AGPS: variants seen among roughly 807,000 people sequenced by gnomAD.
The protein encoded by AGPS is alkylglycerone phosphate synthase.
Under a neutral mutation model 90.7 loss-of-function variants are expected in AGPS, and 26 were observed. The ratio of observed to expected loss-of-function variants is 0.29; its 90% CI spans 0.21 to 0.40. The LOEUF is 0.40. Among genes scored for constraint, AGPS ranks in the 10% least tolerant of loss-of-function variants. The probability of loss-of-function intolerance (pLI) is 1.00; values close to 1 mark genes in which losing one functional copy is unlikely to be tolerated. For synonymous variants in AGPS, 294 were observed against 285.3 expected, an observed-to-expected ratio of 1.03 and a Z score of -0.31; for missense variants, 540 against 816.1, an observed-to-expected ratio of 0.66 and a Z score of 4.12.
intron 1 of AGPS, among the ~76,000 whole-genome samples, chr2:177,419,422 C>T (rs1268386019): frequency 1.3e-5 from 2 of 151,704 alleles, no homozygotes; most frequent in Non-Finnish European, 1.5e-5. Flanking sequence ...TTTCAGTAGC[C>T]AAGATCAAAC....
chr2:177,472,041 C>T (rs932549196), intron 10 of AGPS, among the ~76,000 whole-genome samples: 1 of 151,512 alleles, frequency 6.6e-6, no homozygotes, highest in Non-Finnish European at 1.5e-5. Context: ...ACCCAGTGGA[C>T]CCTTTCTATT....
At chr2:177,425,785 G>A (rs1404836567) in intron 2 of AGPS, among the ~76,000 whole-genome samples, 1 of 152,174 alleles carries the variant, frequency 6.6e-6, no homozygotes, top group African/African-American at 2.4e-5. Flanking sequence ...TGATGTTTTG[G>A]TTACTGTAGG....
chr2:177,402,893 C>T (rs1192598955), intron 1 of AGPS, among the ~76,000 whole-genome samples: 2 of 151,982 alleles, frequency 1.3e-5, no homozygotes, highest in Non-Finnish European at 2.9e-5. Flanking sequence ...CCTGTATCTA[C>T]TAAAAATACA....
At chr2:177,495,982 G>A (rs1405979220) in intron 12 of AGPS, among the ~76,000 whole-genome samples, 1 of 147,560 alleles carries the variant, frequency 6.8e-6, no homozygotes, top group African/African-American at 2.5e-5. Context: ...TAATTATATT[G>A]TTAGGCAACA....
chr2:177,530,031 T>C (rs1459117369), intron 19 of AGPS, among the ~76,000 whole-genome samples: 1 of 152,228 alleles, frequency 6.6e-6, no homozygotes, highest in African/African-American at 2.4e-5. Flanking sequence ...TGTTTGTTTG[T>C]TTTTAATAAT....
rs1189670007 is a variant in AGPS at position 177,541,261 on chromosome 2, A to G, written c.*3066A>G. 1 of 152,168 alleles carries G rather than the reference A, an allele frequency of 6.6e-6. No individual in the cohort carries two copies. The highest frequency in any genetic ancestry group is 1.5e-5 in the Non-Finnish European group (1 of 68,022). The allele number at this position is 152,168 out of a possible 1,614,324, so 9.4% of individuals were successfully genotyped here. A position where few individuals can be genotyped will look rare whatever the true frequency, so the allele number is the denominator to read the frequency against. On this transcript the variant is annotated 3_prime_UTR_variant, in exon 20 of 20. Transcript: ENST00000264167. ...TCCCCCACTAGAATAGTCTATTAGT[A>G]ACTGCTAAGTCCTAGCTTGCATTTT...
intron 11 of AGPS, among the ~76,000 whole-genome samples, chr2:177,489,119 C>G (rs1445812799): frequency 1.4e-5 from 2 of 144,282 alleles, no homozygotes; most frequent in Admixed American, 1.4e-4. Flanking sequence ...GAGTCTCGCT[C>G]TATTGCCCAG....
chr2:177,498,200 T>A (rs1213341699), intron 13 of AGPS, among the ~76,000 whole-genome samples: 19 of 151,958 alleles, frequency 1.3e-4, no homozygotes, highest in Non-Finnish European at 4.4e-5. Context: ...CATTTTTAAT[T>A]TACCAGGGGG....
chr2:177,503,972 C>T (rs1276535597), intron 14 of AGPS, among the ~76,000 whole-genome samples: 3 of 152,130 alleles, frequency 2.0e-5, no homozygotes, highest in Non-Finnish European at 4.4e-5. Flanking sequence ...TGACTTAGGA[C>T]TGAAAAGTAA....
chr2:177,402,202 C>G (rs1220252150), intron 1 of AGPS, among the ~76,000 whole-genome samples: 1 of 152,160 alleles, frequency 6.6e-6, no homozygotes, highest in East Asian at 1.9e-4. Flanking sequence ...GAAAACATGA[C>G]ATTTGAGCAG....
chr2:177,499,489 C>T (rs1688494792), intron 13 of AGPS, 129 bp from the exon 14 acceptor site: 1 of 625,922 alleles, frequency 1.6e-6, no homozygotes, highest in Admixed American at 2.9e-5. Context: ...ATGTAAAGTT[C>T]CAAAGCTCAA....
chr2:177,448,856 A>AC (rs1559050932), intron 8 of AGPS, among the ~76,000 whole-genome samples: 1 of 151,708 alleles, frequency 6.6e-6, no homozygotes, highest in Non-Finnish European at 1.5e-5. Context: ...CCCTTAAGCA[A>AC]CCCCCCAGGA....
At chr2:177,398,352 C>G (rs1306707962) in intron 1 of AGPS, among the ~76,000 whole-genome samples, 1 of 152,138 alleles carries the variant, frequency 6.6e-6, no homozygotes, top group Non-Finnish European at 1.5e-5. Flanking sequence ...ATGACAGGAA[C>G]CATGCTAAAG....
Position 177,523,811 on chromosome 2 carries a change from C to A in AGPS, c.1855+6C>A, listed in dbSNP as rs772552134. On this transcript the variant is annotated splice_donor_region_variant and intron_variant, in intron 19 of 19. Coordinates refer to ENST00000264167, the MANE Select transcript of AGPS (RefSeq NM_003659.4). ...CCTGTCACATCACCATGGAGGTATTCTTTTTTGGGAGTAGAATTTCTAATA... is the reference window on the plus strand; with the variant it reads ...CCTGTCACATCACCATGGAGGTATTATTTTTTGGGAGTAGAATTTCTAATA... 8.1e-6 allele frequency: 13 copies of A among 1,610,174 alleles called. No individual in the cohort carries two copies. Among genetic ancestry groups the A allele is most frequent in the African/African-American group, 2.7e-5 (2 of 74,800 alleles).
Position 177,482,125 on chromosome 2 carries a change from G to A in AGPS, c.1172G>A (p.Gly391Asp). Residue 391 changes from glycine to aspartate, a missense_variant, in exon 11 of 20, where the codon GGC (glycine) becomes GAC (aspartate). Gly to Asp is a moderately conservative substitution (Grantham distance 94, BLOSUM62 -1). Coordinates refer to ENST00000264167, the MANE Select transcript of AGPS (RefSeq NM_003659.4). ...IRPVPEYQKY[G>D]SVAFPNFEQG... is the part of the protein sequence containing the mutation. ...CCAGTCCCTGAATACCAAAAGTATG[G>A]CTCAGTAGCTTTCCCTAATTTTGAA... The A allele has an allele frequency of 1.2e-6, 2 of 1,605,032 alleles. No individual in the cohort carries two copies. The highest frequency in any genetic ancestry group is 1.7e-6 in the Non-Finnish European group (2 of 1,174,338).
intron 14 of AGPS, among the ~76,000 whole-genome samples, chr2:177,503,179 CAT>C (rs1351806949): frequency 2.0e-5 from 3 of 152,130 alleles, no homozygotes; most frequent in Non-Finnish European, 4.4e-5. Flanking sequence ...CCTTTGAACA[CAT>C]ATGACCCAAC....
chr2:177,395,489 G>A (rs1685147036), intron 1 of AGPS, among the ~76,000 whole-genome samples: 1 of 152,250 alleles, frequency 6.6e-6, no homozygotes, highest in Non-Finnish European at 1.5e-5. Flanking sequence ...AGGGAACACA[G>A]AAACTTGTAT....
At chr2:177,436,139 A>AGTTTTTTTTT (rs1686402122) in intron 3 of AGPS, among the ~76,000 whole-genome samples, 1 of 82,124 alleles carries the variant, frequency 1.2e-5, no homozygotes, top group Non-Finnish European at 2.2e-5. Flanking sequence ...GAAATGCTGA[A>AGTTTTTTTTT]TTTTTTTTTT....
At chr2:177,451,960 T>G (rs1186270788) in intron 8 of AGPS, among the ~76,000 whole-genome samples, 1 of 37,646 alleles carries the variant, frequency 2.7e-5, no homozygotes, top group Admixed American at 3.5e-4. Flanking sequence ...TGTATATATG[T>G]TATTTAGTTC....
Sources: allele counts gnomAD v4.1 joint callset (sites outside exome capture counted in the v4.1 genomes callset), GRCh38; gene constraint gnomAD v4.1.1; transcripts MANE v1.5; gene names NCBI Gene and HGNC (gene_info 2026-07-23, HGNC 2026-07-21).